The following MPHOSPH9 variants were observed in gnomAD, a reference collection of about 807,000 sequenced individuals.
The protein encoded by MPHOSPH9 is M-phase phosphoprotein 9.
Under a neutral mutation model 145.5 loss-of-function variants are expected in MPHOSPH9, and 88 were observed. That is an observed-to-expected ratio of 0.60 (90% CI 0.51 to 0.72). The LOEUF is 0.72. MPHOSPH9 is among the 30% of genes least tolerant of loss of function. MPHOSPH9 has a pLI of 0.00. For synonymous variants in MPHOSPH9, 435 were observed against 486.2 expected (o/e 0.89, Z 1.39); for missense variants, 1,238 against 1,386.6 (o/e 0.89, Z 1.70).
chr12:123,194,093 A>C (rs1449897470), intron 13 of MPHOSPH9, among the ~76,000 whole-genome samples: 2 of 151,942 alleles, frequency 1.3e-5, no homozygotes, highest in Admixed American at 6.6e-5. Flanking sequence ...ACATGGGGAA[A>C]CCCTGTCTTT....
upstream of MPHOSPH9, among the ~76,000 whole-genome samples, chr12:123,234,535 AC>A (rs1178420253): frequency 1.3e-5 from 2 of 152,080 alleles, no homozygotes; most frequent in African/African-American, 4.8e-5. Flanking sequence ...AGCCGGGAAT[AC>A]CGGTGCCCGC....
chr12:123,243,623 T>G (rs1353735389), intron 1 of MPHOSPH9, among the ~76,000 whole-genome samples: 5 of 152,032 alleles, frequency 3.3e-5, no homozygotes, highest in Non-Finnish European at 7.3e-5. Context: ...GAGAATCACT[T>G]GAACCCAGGA....
intron 13 of MPHOSPH9, among the ~76,000 whole-genome samples, chr12:123,189,998 A>G (rs180869119): frequency 1.3e-5 from 2 of 152,160 alleles, no homozygotes; most frequent in African/African-American, 4.8e-5. Context: ...AAGATACGCC[A>G]AAGAAGTAAC....
chr12:123,161,858 A>G (rs1295264974), intron 21 of MPHOSPH9, among the ~76,000 whole-genome samples: 2 of 152,226 alleles, frequency 1.3e-5, no homozygotes. Context: ...AGAGAATAAA[A>G]GTAAAGAGAA....
At position 123,239,001 on chromosome 12, in the gene MPHOSPH9, T is replaced by C. The variant is rs34632780; in HGVS notation, c.-159+4852A>G. The stretch of plus-strand genomic sequence containing the variant: ...ATTTTAAAATATTGGCTGGGTGCAG[T>C]GGCTCACACCTGTAATCCCAGCACT... On this transcript the variant is annotated intron_variant, in intron 1 of 2. Coordinates refer to the MPHOSPH9 transcript ENST00000545406. 2.0e-5 allele frequency among the ~76,000 whole-genome samples: 3 copies of C among 152,332 alleles called. No individual in the cohort carries two copies. In the East Asian group the frequency reaches 5.8e-4, roughly 29 times the overall value.
At chr12:123,174,813 A>G (rs2044755541) in intron 16 of MPHOSPH9, among the ~76,000 whole-genome samples, 1 of 152,208 alleles carries the variant, frequency 6.6e-6, no homozygotes, top group Non-Finnish European at 1.5e-5. Context: ...TCTCTTCCCT[A>G]AGTTCAACAC....
chr12:123,211,684 CTTTTTTTTTTT>C (rs147321517), intron 7 of MPHOSPH9, among the ~76,000 whole-genome samples: 3 of 67,756 alleles, frequency 4.4e-5, no homozygotes, highest in Non-Finnish European at 9.3e-5. Flanking sequence ...TAGACAATTT[CTTTTTTTTTTT>C]TTTTTTTTTT....
Position 123,164,027 on chromosome 12 carries a change from T to C in MPHOSPH9, c.2831A>G (p.Gln944Arg), listed in dbSNP as rs767780590. ...ASRSPEKCAQ[Q>R]RQKRLNSASQ... Reference sequence around the variant, plus strand: ...GGCCGAATTAAGTCTCTTTTGTCTCTGTTGGGCACACTTTTCTGGAGAACG... The same window carrying C: ...GGCCGAATTAAGTCTCTTTTGTCTCCGTTGGGCACACTTTTCTGGAGAACG... The change falls in exon 19 of 24, where the codon CAG becomes CGG. Residue 944 changes from glutamine to arginine, a missense_variant. Physicochemically the swap from Gln to Arg is conservative, Grantham distance 43. Transcript: ENST00000606320. The C allele has an allele frequency of 2.5e-6, 4 of 1,614,090 alleles. No individual in the cohort carries two copies. The East Asian group carries it at 6.7e-5, about 27-fold the overall frequency.
chr12:123,228,069 A>T (rs993470704), intron 2 of MPHOSPH9, among the ~76,000 whole-genome samples: 1 of 152,208 alleles, frequency 6.6e-6, no homozygotes, highest in African/African-American at 2.4e-5. Flanking sequence ...GCTGATGCTT[A>T]TCTCTGCACT....
rs1593156094 is a variant in MPHOSPH9, at chr12:123,194,747, G to A, written c.2026-146C>T. On this transcript the variant is annotated intron_variant, in intron 12 of 23. Coordinates refer to ENST00000606320, the MANE Select transcript of MPHOSPH9 (RefSeq NM_022782.4). ...AGCAATTCTCCTGCCTCAGCCTCCC[G>A]AGAGCTGCGATTACAGGCGCCCACC... 1.1e-5 allele frequency: 6 copies of A among 561,568 alleles called. No individual in the cohort carries two copies. The East Asian group carries it at 1.3e-4, about 12-fold the overall frequency. 34.8% of individuals were successfully genotyped at this position (561,568 alleles called of 1,614,324 possible).
chr12:123,203,736 T>A (rs144354883), intron 8 of MPHOSPH9, among the ~76,000 whole-genome samples: 2,263 of 152,264 alleles, frequency 0.015, 33 homozygotes, highest in Non-Finnish European at 0.025. Context: ...CAGGCTGGAG[T>A]GCAGTGGTGT....
intron 23 of MPHOSPH9, among the ~76,000 whole-genome samples, chr12:123,157,793 T>C (rs1336839474): frequency 6.6e-6 from 1 of 152,070 alleles, no homozygotes; most frequent in Non-Finnish European, 1.5e-5. Flanking sequence ...AGCCTCATTT[T>C]AGTTAATTTA....
rs894804591 is a variant in MPHOSPH9, at chr12:123,220,442, T to C, written c.872+930A>G. 1.1e-4 allele frequency among the ~76,000 whole-genome samples: 17 copies of C among 151,386 alleles called. 1 individual carries two copies. Among genetic ancestry groups the C allele is most frequent in the Non-Finnish European group, 2.9e-5 (2 of 67,936 alleles). Reference sequence around the variant, plus strand: ...AGCCGGGTGTGGTGGCCCACACCTGTAGTCCCAGCTACTCAGGAGACTTAA... The same window carrying C: ...AGCCGGGTGTGGTGGCCCACACCTGCAGTCCCAGCTACTCAGGAGACTTAA... On this transcript the variant is annotated intron_variant, in intron 5 of 23. Transcript: ENST00000606320.
chr12:123,207,146 T>TAAAAA (rs35392378), intron 8 of MPHOSPH9, among the ~76,000 whole-genome samples: 11 of 114,562 alleles, frequency 9.6e-5, no homozygotes, highest in East Asian at 5.4e-4. Flanking sequence ...CTAAAGTGGT[T>TAAAAA]AAAAAAAAAA....
intron 12 of MPHOSPH9, among the ~76,000 whole-genome samples, chr12:123,196,534 C>A (rs983048511): frequency 1.3e-5 from 2 of 151,786 alleles, no homozygotes; most frequent in Non-Finnish European, 2.9e-5. Context: ...TGCCTTATAC[C>A]AAAAGATTGG....
intron 1 of MPHOSPH9, among the ~76,000 whole-genome samples, chr12:123,232,393 C>A (rs1052553065): frequency 6.6e-6 from 1 of 152,042 alleles, no homozygotes; most frequent in Non-Finnish European, 1.5e-5. Context: ...ATTTTTTTAA[C>A]TTGATACAGA....
At chr12:123,157,588 C>T (rs1191816529) in intron 23 of MPHOSPH9, among the ~76,000 whole-genome samples, 1 of 152,156 alleles carries the variant, frequency 6.6e-6, no homozygotes, top group African/African-American at 2.4e-5. Context: ...TCAAGCAATC[C>T]TTCCACCTTA....
At chr12:123,152,547 T>G (rs1311406800), downstream of MPHOSPH9, 1 of 456,180 alleles carries the variant, frequency 2.2e-6, no homozygotes, top group East Asian at 7.0e-5. Flanking sequence ...CCTTGAAATC[T>G]GTAGTCATAG....
chr12:123,237,492 T>C (rs2047869825), upstream of MPHOSPH9, among the ~76,000 whole-genome samples: 1 of 152,200 alleles, frequency 6.6e-6, no homozygotes, highest in African/African-American at 2.4e-5. Flanking sequence ...CCTCTTTACT[T>C]CATTAGCTAT....
Sources: gnomAD v4.1 joint callset for allele counts (sites outside exome capture counted in the v4.1 genomes callset) on GRCh38, gnomAD v4.1.1 for gene constraint, MANE v1.5 for transcripts, NCBI Gene and HGNC (gene_info 2026-07-23, HGNC 2026-07-21) for gene names.